The following PNOC variants were observed in gnomAD, a reference collection of about 807,000 sequenced individuals.
The protein encoded by PNOC is prepronociceptin.
PNOC carries 10 observed loss-of-function variants against 15.6 expected under a neutral mutation model. That is an observed-to-expected ratio of 0.64 (90% CI 0.40 to 1.09). The LOEUF (loss-of-function observed/expected upper bound fraction) is 1.09, where lower values mean the gene tolerates loss of function less well. PNOC is among the 50% of genes least tolerant of loss of function. PNOC has a pLI of 0.01. For missense variants in PNOC, 220 were observed against 223.9 expected (o/e 0.98, Z 0.11); for synonymous variants, 98 against 88.5 (o/e 1.11, Z -0.60).
intron 2 of PNOC, among the ~76,000 whole-genome samples, chr8:28,332,850 C>A (rs779852293): frequency 6.6e-6 from 1 of 152,206 alleles, no homozygotes; most frequent in African/African-American, 2.4e-5. Flanking sequence ...ACTCAGGAGG[C>A]TGAGGCAGAA....
intron 3 of PNOC, among the ~76,000 whole-genome samples, chr8:28,342,064 G>T (rs1801528789): frequency 6.6e-6 from 1 of 152,214 alleles, no homozygotes; most frequent in African/African-American, 2.4e-5. Flanking sequence ...CCTATTCAGG[G>T]CCGGGCGCGG....
At position 28,328,330 on chromosome 8, in the gene PNOC, G is replaced by A. The variant is rs117001438; in HGVS notation, c.-23-805G>A. Reference sequence around the variant, plus strand: ...TGACCTCTAGTGATCCACCTGCCCTGGCCTCCCAAAGTTCTGGGATTACAG... The same window carrying A: ...TGACCTCTAGTGATCCACCTGCCCTAGCCTCCCAAAGTTCTGGGATTACAG... On this transcript the variant is annotated intron_variant, in intron 1 of 3. Coordinates refer to ENST00000301908, the MANE Select transcript of PNOC (RefSeq NM_006228.5). Among the ~76,000 whole-genome samples, 13 of 151,594 alleles carry A rather than the reference G, an allele frequency of 8.6e-5. No individual in the cohort carries two copies. In the East Asian group the frequency reaches 2.3e-3, roughly 27 times the overall value.
In PNOC at chr8:28,337,827, G is replaced by A. The variant is rs558549782; in HGVS notation, c.127-1213G>A. On this transcript the variant is annotated intron_variant, in intron 2 of 3. Coordinates refer to ENST00000301908, the MANE Select transcript of PNOC (RefSeq NM_006228.5). ...AGGATGGTCTCGATCTCCTGACCTC[G>A]TGATCCACCCGCCTCGGCCTCCCAA... Among the ~76,000 whole-genome samples, 34 of 151,288 alleles carry A rather than the reference G, an allele frequency of 2.2e-4. No individual in the cohort carries two copies. In the South Asian group the frequency reaches 6.9e-3, roughly 31 times the overall value.
chr8:28,319,132 G>T (rs1801106675), intron 1 of PNOC, among the ~76,000 whole-genome samples: 1 of 152,046 alleles, frequency 6.6e-6, no homozygotes. Context: ...CTGTGAGGTG[G>T]TGCCATTATC....
intron 1 of PNOC, among the ~76,000 whole-genome samples, chr8:28,325,229 AGAG>A (rs563173710): frequency 9.8e-4 from 149 of 152,298 alleles, no homozygotes; most frequent in African/African-American, 3.5e-3. Flanking sequence ...CCAGGGCAGC[AGAG>A]GAGACTGATC....
At position 28,320,092 on chromosome 8, in the gene PNOC, C is replaced by CTTTTTTTT. The variant is rs34876964; in HGVS notation, c.-24+2798_-24+2805dup. ...TGTTTGTTTCTTTCTTTCTTTCTTT[C>CTTTTTTTT]TTTTTTTTTTTTTTTTTTTTTTTTT... On this transcript the variant is annotated intron_variant, in intron 1 of 3. Transcript: ENST00000301908. 6.2e-3 allele frequency among the ~76,000 whole-genome samples: 183 copies of CTTTTTTTT among 29,722 alleles called. 10 individuals are homozygous for CTTTTTTTT. Among genetic ancestry groups the CTTTTTTTT allele is most frequent in the Middle Eastern group, 0.083 (2 of 24 alleles). The allele number at this position is 29,722 out of a possible 152,430, so 19.5% of individuals were successfully genotyped here.
chr8:28,330,681 C>A (rs1418144871), intron 2 of PNOC, among the ~76,000 whole-genome samples: 1 of 150,588 alleles, frequency 6.6e-6, no homozygotes, highest in Admixed American at 6.7e-5. Context: ...GATTTACAGG[C>A]GTGAGCCACC....
intron 2 of PNOC, among the ~76,000 whole-genome samples, chr8:28,330,386 A>AT (rs1365236960): frequency 0.01 from 602 of 59,598 alleles, 7 homozygotes; most frequent in Middle Eastern, 0.039. Context: ...ATTTTATTTT[A>AT]TTTTATTTTA....
intron 2 of PNOC, among the ~76,000 whole-genome samples, chr8:28,333,353 A>G (rs1387075033): frequency 6.6e-6 from 1 of 152,194 alleles, no homozygotes; most frequent in African/African-American, 2.4e-5. Context: ...GAGACTCCAG[A>G]TGCCCATACG....
intron 1 of PNOC, among the ~76,000 whole-genome samples, chr8:28,318,558 T>C (rs1801096518): frequency 6.6e-6 from 1 of 152,246 alleles, no homozygotes; most frequent in South Asian, 2.1e-4. Context: ...GGCTACTGCA[T>C]GCAGCCTCTT....
At chr8:28,341,230 C>A (rs921208314) in intron 3 of PNOC, among the ~76,000 whole-genome samples, 2 of 152,142 alleles carry the variant, frequency 1.3e-5, no homozygotes, top group Non-Finnish European at 2.9e-5. Context: ...ACATGTTCAC[C>A]ACGGGCCTGT....
chr8:28,334,445 A>G (rs989900656), intron 2 of PNOC, among the ~76,000 whole-genome samples: 2 of 152,132 alleles, frequency 1.3e-5, no homozygotes, highest in African/African-American at 4.8e-5. Flanking sequence ...GACTTAGTGG[A>G]TCAGAATCTC....
At chr8:28,333,801 C>T (rs1457156539) in intron 2 of PNOC, among the ~76,000 whole-genome samples, 1 of 152,146 alleles carries the variant, frequency 6.6e-6, no homozygotes, top group African/African-American at 2.4e-5. Context: ...ATTCAACAAG[C>T]AGTTTGGGGC....
In PNOC at chr8:28,317,297, C is replaced by T. The variant is rs747170638; in HGVS notation, c.-43C>T. ...GAGCCTCGCATCCATCGGAGGGAGCCGGGGACTGACAGCTCTCAGGTAGGC... is the reference window on the plus strand; with the variant it reads ...GAGCCTCGCATCCATCGGAGGGAGCTGGGGACTGACAGCTCTCAGGTAGGC... On this transcript the variant is annotated 5_prime_UTR_variant, in exon 1 of 4. Coordinates refer to ENST00000301908, the MANE Select transcript of PNOC (RefSeq NM_006228.5). The T allele has an allele frequency of 2.9e-4, 44 of 152,450 alleles. No homozygotes were observed. Among genetic ancestry groups the T allele is most frequent in the Non-Finnish European group, 5.7e-4 (39 of 68,310 alleles). The allele number at this position is 152,450 out of a possible 1,614,324, so 9.4% of individuals were successfully genotyped here. A position where few individuals can be genotyped will look rare whatever the true frequency, so the allele number is the denominator to read the frequency against.
chr8:28,328,855 C>A (rs1801271336), intron 1 of PNOC, among the ~76,000 whole-genome samples: 1 of 152,142 alleles, frequency 6.6e-6, no homozygotes. Context: ...CGAGGCCAGC[C>A]AGGTGGCAGG....
chr8:28,330,531 A>G (rs1801314143), intron 2 of PNOC, among the ~76,000 whole-genome samples: 1 of 143,942 alleles, frequency 6.9e-6, no homozygotes, highest in Admixed American at 6.9e-5. Context: ...AGTAGCTGGG[A>G]CTAAGGTGCC....
intron 1 of PNOC, among the ~76,000 whole-genome samples, chr8:28,321,224 T>TTC (rs1399141225): frequency 6.6e-6 from 1 of 150,848 alleles, no homozygotes; most frequent in Non-Finnish European, 1.5e-5. Context: ...TTTTTTTTTT[T>TTC]TTTGTAGAGA....
At chr8:28,330,656 C>T (rs1801317853) in intron 2 of PNOC, among the ~76,000 whole-genome samples, 1 of 128,908 alleles carries the variant, frequency 7.8e-6, no homozygotes, top group Admixed American at 7.4e-5. Flanking sequence ...CCGCCTCAGC[C>T]TCCCAAAGTG....
rs866352421 is a variant in PNOC, at chr8:28,339,078, C to T, written c.165C>T (p.Ser55=). Reference sequence around the variant, plus strand: ...AGTGTGAAGAGAAGGTCTTCCCCAGCCCCCTCTGGACTCCATGCACCAAGG... The same window carrying T: ...AGTGTGAAGAGAAGGTCTTCCCCAGTCCCCTCTGGACTCCATGCACCAAGG... ...ILECEEKVFP[S]PLWTPCTKVM... Residue 55 remains serine (S), a synonymous_variant, in exon 3 of 4, where the codon AGC becomes AGT. Transcript: ENST00000301908. 1.3e-6 allele frequency: 2 copies of T among 1,593,598 alleles called. No homozygotes were observed. Among genetic ancestry groups the T allele is most frequent in the Middle Eastern group, 3.3e-4 (2 of 6,002 alleles).
Sources: gnomAD v4.1 joint callset for allele counts (sites outside exome capture counted in the v4.1 genomes callset) on GRCh38, gnomAD v4.1.1 for gene constraint, MANE v1.5 for transcripts, NCBI Gene and HGNC (gene_info 2026-07-23, HGNC 2026-07-21) for gene names.